The following NMNAT3 variants were observed in gnomAD, a reference collection of about 807,000 sequenced individuals.
The protein encoded by NMNAT3 is nicotinamide nucleotide adenylyltransferase 3, also known as nicotinamide/nicotinic acid mononucleotide adenylyltransferase 3.
NMNAT3 carries 21 observed loss-of-function variants against 24.8 expected under a neutral mutation model. The observed-to-expected ratio is 0.85, with a 90% CI of 0.60 to 1.22. NMNAT3 has a LOEUF of 1.22. NMNAT3 is among the 50% of genes most tolerant of loss of function. The probability of loss-of-function intolerance (pLI) is 0.00; values close to 1 mark genes in which losing one functional copy is unlikely to be tolerated. For synonymous variants in NMNAT3, 136 were observed against 155.2 expected, an observed-to-expected ratio of 0.88 and a Z score of 0.92; for missense variants, 387 against 436.6, an observed-to-expected ratio of 0.89 and a Z score of 1.01.
chr3:139,663,263 A>G (rs545804553), intron 1 of NMNAT3, among the ~76,000 whole-genome samples: 1 of 152,156 alleles, frequency 6.6e-6, no homozygotes, highest in Non-Finnish European at 1.5e-5. Context: ...TCCTGCCTCC[A>G]TCTTTCACTG....
intron 6 of NMNAT3, among the ~76,000 whole-genome samples, chr3:139,573,065 C>T (rs549208635): frequency 2.0e-5 from 3 of 152,146 alleles, no homozygotes; most frequent in South Asian, 2.1e-4. Context: ...AAGGTTTTCT[C>T]GAACACCAGG....
intron 6 of NMNAT3, chr3:139,569,462 A>G (rs1028935640): frequency 2.0e-5 from 3 of 151,992 alleles, no homozygotes; most frequent in Non-Finnish European, 4.4e-5. Flanking sequence ...ATTTGGCATG[A>G]TTTTGCAGTG....
chr3:139,618,330 T>C (rs2055605031), intron 3 of NMNAT3, among the ~76,000 whole-genome samples: 1 of 152,232 alleles, frequency 6.6e-6, no homozygotes, highest in Non-Finnish European at 1.5e-5. Context: ...AAGAGGTGTG[T>C]TATCACAGGA....
chr3:139,596,951 T>TATATATAC (rs2054504847), intron 3 of NMNAT3, among the ~76,000 whole-genome samples: 1 of 114,560 alleles, frequency 8.7e-6, no homozygotes, highest in Non-Finnish European at 1.7e-5. Flanking sequence ...TATATATATA[T>TATATATAC]ATATATATAT....
intron 1 of NMNAT3, among the ~76,000 whole-genome samples, chr3:139,644,978 T>TG (rs2056823734): frequency 6.6e-6 from 1 of 152,102 alleles, no homozygotes; most frequent in Non-Finnish European, 1.5e-5. Flanking sequence ...CCGAGGTGGA[T>TG]GGATCATGAG....
chr3:139,656,366 G>A (rs1187757231), intron 1 of NMNAT3, among the ~76,000 whole-genome samples: 1 of 152,188 alleles, frequency 6.6e-6, no homozygotes, highest in Non-Finnish European at 1.5e-5. Context: ...GCTTGAATGA[G>A]CTTAACAGTT....
intron 2 of NMNAT3, among the ~76,000 whole-genome samples, chr3:139,628,477 C>A (rs1010142134): frequency 6.6e-6 from 1 of 152,202 alleles, no homozygotes; most frequent in African/African-American, 2.4e-5. Flanking sequence ...AACTGCAGAA[C>A]AATGATTAAA....
At chr3:139,581,494 C>T (rs757705860) in intron 4 of NMNAT3, among the ~76,000 whole-genome samples, 3 of 151,526 alleles carry the variant, frequency 2.0e-5, no homozygotes, top group African/African-American at 4.9e-5. Context: ...ATCCATACAA[C>T]GAAATACTAC....
intron 2 of NMNAT3, among the ~76,000 whole-genome samples, chr3:139,628,114 G>C (rs1576684230): frequency 1.3e-5 from 2 of 152,260 alleles, no homozygotes; most frequent in Non-Finnish European, 2.9e-5. Flanking sequence ...AGATCACCAC[G>C]GGGTCAGAAG....
chr3:139,657,966 A>G (rs1433794215), intron 1 of NMNAT3, among the ~76,000 whole-genome samples: 1 of 151,978 alleles, frequency 6.6e-6, no homozygotes, highest in African/African-American at 2.4e-5. Flanking sequence ...ATTCTTGCCC[A>G]TTGGACCTGC....
intron 3 of NMNAT3, among the ~76,000 whole-genome samples, chr3:139,591,312 G>A (rs1352616786): frequency 3.3e-5 from 5 of 152,040 alleles, no homozygotes; most frequent in Admixed American, 1.3e-4. Context: ...TGGCTCAGAG[G>A]GTCCTACGCC....
rs535155157 is a variant in NMNAT3 at position 139,630,255 on chromosome 3, AC to A, written c.-40-2492del. Among the ~76,000 whole-genome samples, 5 of 152,310 alleles carry A rather than the reference AC, an allele frequency of 3.3e-5. No individual in the cohort carries two copies. In the South Asian group the frequency reaches 1.0e-3, roughly 32 times the overall value. Reference sequence around the variant, plus strand: ...ACTAGGTTACATGGCCACTGTAGCTACAACAGAGGCCAGAAAAGGCATCTAT... The same window carrying A: ...ACTAGGTTACATGGCCACTGTAGCTAAACAGAGGCCAGAAAAGGCATCTAT... On this transcript the variant is annotated intron_variant, in intron 2 of 6. Transcript: ENST00000643695.
At chr3:139,588,999 A>G (rs574401431) in intron 3 of NMNAT3, among the ~76,000 whole-genome samples, 1 of 152,150 alleles carries the variant, frequency 6.6e-6, no homozygotes, top group African/African-American at 2.4e-5. Flanking sequence ...TCTAGCCTGC[A>G]TTTAGGGCCT....
chr3:139,572,665 C>T (rs1317182630), intron 6 of NMNAT3, among the ~76,000 whole-genome samples: 3 of 152,114 alleles, frequency 2.0e-5, no homozygotes, highest in Non-Finnish European at 4.4e-5. Context: ...AGAGTGTTTC[C>T]CAATCTTGCT....
intron 6 of NMNAT3, among the ~76,000 whole-genome samples, chr3:139,564,815 T>C (rs1404505453): frequency 6.6e-6 from 1 of 152,238 alleles, no homozygotes; most frequent in East Asian, 1.9e-4. Flanking sequence ...CCTTCCTGTT[T>C]TTAATTGCTC....
chr3:139,617,654 G>A (rs560909289), intron 3 of NMNAT3, among the ~76,000 whole-genome samples: 5 of 152,276 alleles, frequency 3.3e-5, no homozygotes, highest in East Asian at 1.9e-4. Context: ...GACAAAGTTC[G>A]ATTTAAAATA....
intron 1 of NMNAT3, among the ~76,000 whole-genome samples, chr3:139,657,700 G>A (rs2057290949): frequency 2.0e-5 from 3 of 152,022 alleles, no homozygotes; most frequent in African/African-American, 7.2e-5. Flanking sequence ...TGACAGGAGA[G>A]CCATGCTGCA....
intron 1 of NMNAT3, among the ~76,000 whole-genome samples, chr3:139,669,460 G>C (rs2057687416): frequency 8.3e-6 from 1 of 121,004 alleles, no homozygotes; most frequent in African/African-American, 3.1e-5. Context: ...CTGGGCAACA[G>C]AGTGAGACCC....
At chr3:139,604,542 C>G (rs2054856233) in intron 3 of NMNAT3, among the ~76,000 whole-genome samples, 3 of 152,050 alleles carry the variant, frequency 2.0e-5, no homozygotes, top group Admixed American at 2.0e-4. Flanking sequence ...TCTCATTTTC[C>G]TAATGAACAA....
Sources: allele counts gnomAD v4.1 joint callset (sites outside exome capture counted in the v4.1 genomes callset), GRCh38; gene constraint gnomAD v4.1.1; transcripts MANE v1.5; gene names NCBI Gene and HGNC (gene_info 2026-07-23, HGNC 2026-07-21).